PLG: variants seen among roughly 807,000 people sequenced by gnomAD.
PLG encodes the protein plasmin.
A neutral mutation model predicts 104.4 loss-of-function variants in PLG; 41 were observed. The ratio of observed to expected loss-of-function variants is 0.39; its 90% CI spans 0.31 to 0.51. The LOEUF (loss-of-function observed/expected upper bound fraction) is 0.51. Among genes scored for constraint, PLG ranks in the 20% least tolerant of loss-of-function variants. PLG has a pLI of 0.76. For missense variants in PLG, 891 were observed against 1,003.6 expected (o/e 0.89, Z 1.52); for synonymous variants, 337 against 357.1 (o/e 0.94, Z 0.63).
rs369793698 is a variant in PLG, at chr6:160,724,363, T to C, written c.1256+1796T>C. The stretch of plus-strand genomic sequence containing the variant: ...CTACCCTTACCATCAGGTTAGACAT[T>C]ACAGAAGAAAAAGTTAACTAGAAAA... On this transcript the variant is annotated intron_variant, in intron 10 of 18. Coordinates refer to ENST00000308192, the MANE Select transcript of PLG (RefSeq NM_000301.5). This position sits in a 1 kb window ranked among gnomAD's most constrained non-coding sequence, Gnocchi z 5.0. Among the ~76,000 whole-genome samples, 49 of 152,234 alleles carry C rather than the reference T, an allele frequency of 3.2e-4. No homozygotes were observed. The South Asian group carries it at 0.01, about 32-fold the overall frequency.
rs561186490 is a variant in PLG at position 160,735,533 on chromosome 6, G to A, written c.1682-1354G>A. ...CCCACCTAACCTTGATGTGAGACAA[G>A]TGAGGTTAACCCCAAGCCTGGTGAG... On this transcript the variant is annotated intron_variant, in intron 13 of 18. Transcript: ENST00000308192. This position sits in a 1 kb window ranked among gnomAD's most constrained non-coding sequence, Gnocchi z 5.4. Among the ~76,000 whole-genome samples the A allele has an allele frequency of 6.6e-6, 1 of 152,324 alleles. No homozygotes were observed. The highest frequency in any genetic ancestry group is 1.9e-4 in the East Asian group (1 of 5,178).
chr6:160,752,603 C>T lies in PLG; in HGVS notation c.2272-297C>T, dbSNP rs920256883. On this transcript the variant is annotated intron_variant, in intron 18 of 18. Transcript: ENST00000308192. The surrounding 1 kb of genome is among the most constrained non-coding windows in gnomAD (Gnocchi z 4.7). ...ATACAGGACAGAGACCAACTGCACA[C>T]ACTTTACACTGATGCCCAGGCTAGC... is the stretch of plus-strand genomic sequence containing the variant. Among the ~76,000 whole-genome samples the T allele has an allele frequency of 7.2e-5, 11 of 152,152 alleles. No individual in the cohort carries two copies. The highest frequency in any genetic ancestry group is 2.7e-4 in the African/African-American group (11 of 41,420).
Position 160,731,880 on chromosome 6 carries a change from G to A in PLG, c.1574G>A (p.Gly525Asp), listed in dbSNP as rs533258034. 2 of 1,613,960 alleles carry A rather than the reference G, an allele frequency of 1.2e-6. No individual in the cohort carries two copies. The highest frequency in any genetic ancestry group is 1.1e-5 in the South Asian group (1 of 91,078). ...IFTPETNPRA[G>D]LEKNYCRNPD... ...ACTCCAGAGACAAATCCACGGGCGG[G>A]TCTGGAAAAAAATGTAAGCCACTTT... The change falls in exon 12 of 19, where the codon GGT becomes GAT. Residue 525 changes from glycine (G) to aspartate (D), a missense_variant. Around this residue, in one of 2 missense-constraint regions of PLG, gnomAD observed 854 missense variants for 932.1 expected, o/e 0.92. Coordinates refer to ENST00000308192, the MANE Select transcript of PLG (RefSeq NM_000301.5). The surrounding 1 kb of genome is among the most constrained non-coding windows in gnomAD (Gnocchi z 5.1).
chr6:160,736,242 AAAG>A lies in PLG; in HGVS notation c.1682-639_1682-637del, dbSNP rs1778081581. On this transcript the variant is annotated intron_variant, in intron 13 of 18. Transcript: ENST00000308192. The surrounding 1 kb of genome is among the most constrained non-coding windows in gnomAD (Gnocchi z 5.2). ...TACAGAGAGAAGGCAGGGAGGAGGAAAAGAAGAATAAAGTCATATGTTTAAGTC... is the reference window on the plus strand; with the variant it reads ...TACAGAGAGAAGGCAGGGAGGAGGAAAAGAATAAAGTCATATGTTTAAGTC... 6.6e-6 allele frequency among the ~76,000 whole-genome samples: 1 copy of A among 152,180 alleles called. No homozygotes were observed.
Position 160,726,499 on chromosome 6 carries a change from T to C in PLG, c.1256+3932T>C, listed in dbSNP as rs1429157782. ...ACATGTAAAAATCAATGACTTAAGA[T>C]GGCATTTCTCAAAGTATGCTCTGGA... On this transcript the variant is annotated intron_variant, in intron 10 of 18. Transcript: ENST00000308192. This position sits in a 1 kb window ranked among gnomAD's most constrained non-coding sequence, Gnocchi z 4.4. Among the ~76,000 whole-genome samples the C allele has an allele frequency of 6.6e-6, 1 of 152,004 alleles. No individual in the cohort carries two copies. Among genetic ancestry groups the C allele is most frequent in the Non-Finnish European group, 1.5e-5 (1 of 67,894 alleles).
chr6:160,718,499 A>G, intron 8 of PLG, 43 bp downstream of exon 8: 3 of 1,540,440 alleles, frequency 1.9e-6, no homozygotes, highest in Non-Finnish European at 2.7e-6. Context: ...GGAATGTGAA[A>G]TCCCATTGAC....
In PLG at chr6:160,732,471, A is replaced by C. The variant is rs1220232135; in HGVS notation, c.1587+578A>C. 1.3e-5 allele frequency among the ~76,000 whole-genome samples: 2 copies of C among 152,152 alleles called. No homozygotes were observed. Among genetic ancestry groups the C allele is most frequent in the African/African-American group, 4.8e-5 (2 of 41,422 alleles). ...CTCACACCCCAAGCGAGTCTCCAGC[A>C]GATACCAGCTGGGTGTCCTACAATG... On this transcript the variant is annotated intron_variant, in intron 12 of 18. Transcript: ENST00000308192. The surrounding 1 kb of genome is among the most constrained non-coding windows in gnomAD (Gnocchi z 4.5).
intron 17 of PLG, among the ~76,000 whole-genome samples, chr6:160,747,832 G>A (rs1778303376): frequency 6.6e-6 from 1 of 152,210 alleles, no homozygotes; most frequent in Non-Finnish European, 1.5e-5. Flanking sequence ...GGGTGTGCCA[G>A]GCTGCTCCCA....
chr6:160,743,945 AT>A (rs200778999), intron 17 of PLG, among the ~76,000 whole-genome samples: 1,878 of 152,264 alleles, frequency 0.012, 37 homozygotes, highest in African/African-American at 0.042. Context: ...AGTTATATTT[AT>A]GTGATGAATC....
chr6:160,732,523 A>T lies in PLG; in HGVS notation c.1587+630A>T, dbSNP rs981787358. Among the ~76,000 whole-genome samples, 7 of 152,098 alleles carry T rather than the reference A, an allele frequency of 4.6e-5. No individual in the cohort carries two copies. The highest frequency in any genetic ancestry group is 1.7e-4 in the African/African-American group (7 of 41,412). On this transcript the variant is annotated intron_variant, in intron 12 of 18. Transcript: ENST00000308192. This position sits in a 1 kb window ranked among gnomAD's most constrained non-coding sequence, Gnocchi z 4.5. ...AACTCAGTGCTGACACTCTATCTGG[A>T]GACAGTGTCAGATCCCATAAGTTAA...
At position 160,711,167 on chromosome 6, in the gene PLG, G is replaced by A; in HGVS notation, c.383G>A (p.Ser128Asn). The change falls in exon 4 of 19, where the codon AGT (serine) becomes AAT (asparagine). Residue 128 changes from serine to asparagine, a missense_variant. This residue lies in a region of PLG where 854 missense variants were observed against 932.1 expected (regional missense o/e 0.92). Coordinates refer to ENST00000308192, the MANE Select transcript of PLG (RefSeq NM_000301.5). ...AATGGCATCACCTGTCAAAAATGGA[G>A]TTCCACTTCTCCCCACAGACCTAGG... Reference protein sequence around the residue: ...TKNGITCQKWSSTSPHRPRFS... With the variant: ...TKNGITCQKWNSTSPHRPRFS... 6.2e-7 allele frequency: 1 copy of A among 1,613,032 alleles called. No homozygotes were observed. The highest frequency in any genetic ancestry group is 8.5e-7 in the Non-Finnish European group (1 of 1,179,064).
Position 160,734,452 on chromosome 6 carries a change from T to A in PLG, c.1681+364T>A, listed in dbSNP as rs1362898452. 6.6e-6 allele frequency among the ~76,000 whole-genome samples: 1 copy of A among 151,864 alleles called. No homozygotes were observed. Among genetic ancestry groups the A allele is most frequent in the Non-Finnish European group, 1.5e-5 (1 of 67,934 alleles). On this transcript the variant is annotated intron_variant, in intron 13 of 18. Transcript: ENST00000308192. This position sits in a 1 kb window ranked among gnomAD's most constrained non-coding sequence, Gnocchi z 4.4. ...ACTTTCCCTTTCCACAGCTGAGAAG[T>A]AAGAAAGAAAATACAAACAGCAGGA...
chr6:160,750,712 T>C (rs1213930012), intron 17 of PLG, among the ~76,000 whole-genome samples: 2 of 152,086 alleles, frequency 1.3e-5, no homozygotes, highest in African/African-American at 4.8e-5. Flanking sequence ...GAGACAATGA[T>C]CTAAATGCAG....
At chr6:160,745,661 T>C (rs1249273991) in intron 17 of PLG, among the ~76,000 whole-genome samples, 1 of 152,216 alleles carries the variant, frequency 6.6e-6, no homozygotes, top group Non-Finnish European at 1.5e-5. Flanking sequence ...AAGGTTAGTA[T>C]TGCTATGTGT....
chr6:160,747,824 G>A (rs1353292701), intron 17 of PLG, among the ~76,000 whole-genome samples: 6 of 152,188 alleles, frequency 3.9e-5, no homozygotes, highest in African/African-American at 1.4e-4. Flanking sequence ...ACACCTATGG[G>A]TGTGCCAGGC....
At position 160,724,766 on chromosome 6, in the gene PLG, T is replaced by G. The variant is rs970936496; in HGVS notation, c.1256+2199T>G. Among the ~76,000 whole-genome samples the G allele has an allele frequency of 6.6e-6, 1 of 152,166 alleles. No individual in the cohort carries two copies. Among genetic ancestry groups the G allele is most frequent in the Non-Finnish European group, 1.5e-5 (1 of 68,036 alleles). On this transcript the variant is annotated intron_variant, in intron 10 of 18. Coordinates refer to ENST00000308192, the MANE Select transcript of PLG (RefSeq NM_000301.5). This position sits in a 1 kb window ranked among gnomAD's most constrained non-coding sequence, Gnocchi z 5.0. ...CCCTTGAAAGTGAATGTTATATAAA[T>G]ACATATTCTGCCTCCCCCAAAATAA...
Position 160,737,067 on chromosome 6 carries a change from T to C in PLG, c.1802+60T>C. The C allele has an allele frequency of 6.2e-7, 1 of 1,605,568 alleles. No homozygotes were observed. The highest frequency in any genetic ancestry group is 8.5e-7 in the Non-Finnish European group (1 of 1,176,002). On this transcript the variant is annotated intron_variant, in intron 14 of 18. Transcript: ENST00000308192. This position sits in a 1 kb window ranked among gnomAD's most constrained non-coding sequence, Gnocchi z 4.7. ...CTCCACGTAAGCCCTGCAAAACCCT[T>C]CTACATTTACATAAAATCCACACAG...
intron 17 of PLG, among the ~76,000 whole-genome samples, chr6:160,745,969 C>T (rs1325511007): frequency 6.6e-6 from 1 of 152,166 alleles, no homozygotes; most frequent in African/African-American, 2.4e-5. Context: ...TATCTTCTAG[C>T]TTGTACGGGT....
Position 160,740,971 on chromosome 6 carries a change from C to A in PLG, c.2019-340C>A, listed in dbSNP as rs1014832191. On this transcript the variant is annotated intron_variant, in intron 16 of 18. Coordinates refer to ENST00000308192, the MANE Select transcript of PLG (RefSeq NM_000301.5). The surrounding 1 kb of genome is among the most constrained non-coding windows in gnomAD (Gnocchi z 5.2). ...TCCATGCACTGATCAATGCCCTATT[C>A]GATTAATGTAAAAGGACACACTCAG... Among the ~76,000 whole-genome samples, 1 of 152,062 alleles carries A rather than the reference C, an allele frequency of 6.6e-6. No homozygotes were observed. Among genetic ancestry groups the A allele is most frequent in the Non-Finnish European group, 1.5e-5 (1 of 68,010 alleles).
Sources: allele counts gnomAD v4.1 joint callset (sites outside exome capture counted in the v4.1 genomes callset), GRCh38; gene constraint gnomAD v4.1.1; regional missense constraint gnomAD v4.1.1; non-coding constraint Gnocchi (gnomAD v3.1); transcripts MANE v1.5; gene names NCBI Gene and HGNC (gene_info 2026-07-23, HGNC 2026-07-21).